The following MLLT3 variants were observed in gnomAD, a reference collection of about 807,000 sequenced individuals.
The protein encoded by MLLT3 is protein AF-9.
A neutral mutation model predicts 53.2 loss-of-function variants in MLLT3; 4 were observed. The observed-to-expected ratio is 0.08, with a 90% confidence interval of 0.04 to 0.17. The LOEUF is 0.17. Among genes scored for constraint, MLLT3 ranks in the 10% least tolerant of loss-of-function variants. The pLI is 1.00. For synonymous variants in MLLT3, 283 were observed against 230.6 expected, an observed-to-expected ratio of 1.23 and a Z score of -2.06; for missense variants, 569 against 684.0, an observed-to-expected ratio of 0.83 and a Z score of 1.87.
intron 2 of MLLT3, among the ~76,000 whole-genome samples, chr9:20,518,414 C>T (rs1817971257): frequency 6.6e-6 from 1 of 151,982 alleles, no homozygotes; most frequent in African/African-American, 2.4e-5. Flanking sequence ...TTAACAAATG[C>T]AGAAGAAAAT....
At position 20,343,214 on chromosome 9, in the gene MLLT3, A is replaced by AAAAAAAAAAAAAAAAAAAAAAAAATTTT. The variant is rs56934102; in HGVS notation, c.*3228_*3229insAAAATTTTTTTTTTTTTTTTTTTTTTTT. On this transcript the variant is annotated 3_prime_UTR_variant, in exon 11 of 11. Coordinates refer to ENST00000380338, the MANE Select transcript of MLLT3 (RefSeq NM_004529.4). ...AAAAAAAAAAAAAAAAAAAAAAAAA[A>AAAAAAAAAAAAAAAAAAAAAAAAATTTT]TTTTGAAGAAACTTTTTAGTGGAAG... 1 of 115,062 alleles carries AAAAAAAAAAAAAAAAAAAAAAAAATTTT rather than the reference A, an allele frequency of 8.7e-6. No homozygotes were observed. The highest frequency in any genetic ancestry group is 6.7e-5 in the African/African-American group (1 of 14,932). 7.1% of individuals were successfully genotyped at this position (115,062 alleles called of 1,614,324 possible).
intron 2 of MLLT3, among the ~76,000 whole-genome samples, chr9:20,502,723 G>A (rs1447429793): frequency 6.6e-6 from 1 of 152,174 alleles, no homozygotes; most frequent in Admixed American, 6.5e-5. Flanking sequence ...CAGAATCCAT[G>A]GGTTTGGGTA....
chr9:20,572,791 C>G (rs1304987347), intron 2 of MLLT3, among the ~76,000 whole-genome samples: 2 of 152,000 alleles, frequency 1.3e-5, no homozygotes, highest in Admixed American at 1.3e-4. Flanking sequence ...AAGACTCCAC[C>G]TCAAAAAATA....
chr9:20,517,219 A>AT (rs1817937729), intron 2 of MLLT3, among the ~76,000 whole-genome samples: 1 of 152,118 alleles, frequency 6.6e-6, no homozygotes, highest in African/African-American at 2.4e-5. Flanking sequence ...CTATATTGAG[A>AT]TTTTTACAAG....
intron 2 of MLLT3, among the ~76,000 whole-genome samples, chr9:20,547,766 C>A (rs745780236): frequency 6.6e-6 from 1 of 151,590 alleles, no homozygotes; most frequent in Non-Finnish European, 1.5e-5. Flanking sequence ...GCCTGGGCAA[C>A]AGAACAATAA....
intron 5 of MLLT3, chr9:20,380,289 C>T (rs1821875963): frequency 6.6e-6 from 1 of 152,032 alleles, no homozygotes; most frequent in Admixed American, 6.6e-5. Context: ...CTTCAATTTT[C>T]TCTTCCTACA....
At chr9:20,610,808 G>C (rs1037473518) in intron 2 of MLLT3, among the ~76,000 whole-genome samples, 19 of 152,108 alleles carry the variant, frequency 1.2e-4, no homozygotes, top group African/African-American at 4.1e-4. Flanking sequence ...AGGGAAGTTA[G>C]CTTCCAGCCC....
chr9:20,456,904 T>C lies in MLLT3; in HGVS notation c.194-118A>G, dbSNP rs1823984046. On this transcript the variant is annotated intron_variant, in intron 2 of 10. Transcript: ENST00000380338. Reference sequence around the variant, plus strand: ...ATCACACGCAATTTTCATAGCCCCTTGCCAAACTCCCAGTTGAGTCTCCGA... The same window carrying C: ...ATCACACGCAATTTTCATAGCCCCTCGCCAAACTCCCAGTTGAGTCTCCGA... 18 of 679,094 alleles carry C rather than the reference T, an allele frequency of 2.7e-5. No individual in the cohort carries two copies. In the South Asian group the frequency reaches 2.7e-4, roughly 10 times the overall value. 42.1% of individuals were successfully genotyped at this position (679,094 alleles called of 1,614,324 possible).
At chr9:20,351,951 C>T (rs1489618608) in intron 10 of MLLT3, among the ~76,000 whole-genome samples, 1 of 152,204 alleles carries the variant, frequency 6.6e-6, no homozygotes. Context: ...CCTGGGAATG[C>T]AATTAGGGTG....
chr9:20,377,021 T>C lies in MLLT3; in HGVS notation c.1126-11277A>G, dbSNP rs77808537. On this transcript the variant is annotated intron_variant, in intron 5 of 10. Coordinates refer to ENST00000380338, the MANE Select transcript of MLLT3 (RefSeq NM_004529.4). ...GTTGTGATGCCAAAGACATATGTTT[T>C]AGCTGTGTTTTCTCTTTCTCTTTTG... Among the ~76,000 whole-genome samples the C allele has an allele frequency of 8.8e-3, 1,338 of 152,344 alleles. 7 individuals carry two copies. The highest frequency in any genetic ancestry group is 0.017 in the Middle Eastern group (5 of 294).
chr9:20,560,313 A>T (rs985427780), intron 2 of MLLT3, among the ~76,000 whole-genome samples: 1 of 152,228 alleles, frequency 6.6e-6, no homozygotes, highest in African/African-American at 2.4e-5. Context: ...AGAAGGAGGC[A>T]AAAAGCCACA....
At chr9:20,373,168 G>C (rs1387595355) in intron 5 of MLLT3, among the ~76,000 whole-genome samples, 2 of 152,056 alleles carry the variant, frequency 1.3e-5, no homozygotes, top group African/African-American at 4.8e-5. Context: ...ATATAATAAA[G>C]TAAAAACACC....
intron 5 of MLLT3, among the ~76,000 whole-genome samples, chr9:20,410,880 T>C (rs568021082): frequency 6.6e-5 from 10 of 152,344 alleles, no homozygotes; most frequent in African/African-American, 2.4e-4. Context: ...GCCTTCCTTA[T>C]ACTTCAAATT....
chr9:20,422,236 T>G (rs1048030382), intron 4 of MLLT3, among the ~76,000 whole-genome samples: 1 of 152,198 alleles, frequency 6.6e-6, no homozygotes, highest in Non-Finnish European at 1.5e-5. Flanking sequence ...AAGAAAGGTC[T>G]CCTGTTATGA....
At chr9:20,462,481 T>C (rs1824135089) in intron 2 of MLLT3, among the ~76,000 whole-genome samples, 1 of 152,150 alleles carries the variant, frequency 6.6e-6, no homozygotes, top group Non-Finnish European at 1.5e-5. Flanking sequence ...AACTGTCTAA[T>C]TAACGTTCAT....
Position 20,448,346 on chromosome 9 carries a change from T to A in MLLT3, c.277-80A>T. On this transcript the variant is annotated intron_variant, in intron 3 of 10. Coordinates refer to ENST00000380338, the MANE Select transcript of MLLT3 (RefSeq NM_004529.4). The surrounding 1 kb of genome is among the most constrained non-coding windows in gnomAD (Gnocchi z 4.0). Reference sequence around the variant, plus strand: ...TTTAAAAGCAAAAATTTACTCCTCATAAGAAATAGAAAAGAACTAAGACAT... The same window carrying A: ...TTTAAAAGCAAAAATTTACTCCTCAAAAGAAATAGAAAAGAACTAAGACAT... 2 of 1,363,144 alleles carry A rather than the reference T, an allele frequency of 1.5e-6. No homozygotes were observed. Among genetic ancestry groups the A allele is most frequent in the Middle Eastern group, 2.1e-4 (1 of 4,860 alleles). The allele number at this position is 1,363,144 out of a possible 1,614,324, so 84.4% of individuals were successfully genotyped here.
chr9:20,599,674 T>C lies in MLLT3; in HGVS notation c.193+20980A>G, dbSNP rs118056750. ...GACTTGGAGTCAAAAGGCCTGAGTT[T>C]AAATCTTAGTTATGCCACTCTAAAA... On this transcript the variant is annotated intron_variant, in intron 2 of 10. Transcript: ENST00000380338. 9.3e-4 allele frequency among the ~76,000 whole-genome samples: 142 copies of C among 152,256 alleles called. 2 individuals carry two copies. In the East Asian group the frequency reaches 0.026, roughly 28 times the overall value.
chr9:20,577,264 T>C (rs1481444824), intron 2 of MLLT3, among the ~76,000 whole-genome samples: 2 of 152,160 alleles, frequency 1.3e-5, no homozygotes, highest in Middle Eastern at 3.2e-3. Flanking sequence ...GCCCTGAATG[T>C]TCAGATGCAC....
At chr9:20,555,630 G>A (rs1819039324) in intron 2 of MLLT3, among the ~76,000 whole-genome samples, 1 of 152,088 alleles carries the variant, frequency 6.6e-6, no homozygotes. Context: ...ATATGCCTGA[G>A]AATTTCCCTT....
Sources: gnomAD v4.1 joint callset for allele counts (sites outside exome capture counted in the v4.1 genomes callset) on GRCh38, gnomAD v4.1.1 for gene constraint, Gnocchi (gnomAD v3.1) non-coding constraint, MANE v1.5 for transcripts, NCBI Gene and HGNC (gene_info 2026-07-23, HGNC 2026-07-21) for gene names.